Variants in AP2B1 observed in about 807,000 individuals in gnomAD.
AP2B1 encodes the protein adaptor related protein complex 2 subunit beta 1.
Under a neutral mutation model 102.0 loss-of-function variants are expected in AP2B1, and 23 were observed. The ratio of observed to expected loss-of-function variants is 0.23; its 90% CI spans 0.16 to 0.32. The LOEUF (loss-of-function observed/expected upper bound fraction) is 0.32, where lower values mean the gene tolerates loss of function less well. Ranked by LOEUF, AP2B1 falls within the 10% of genes least tolerant of loss-of-function variation. The pLI, the probability that AP2B1 is intolerant of heterozygous loss-of-function variation, is 1.00. For missense variants in AP2B1, 541 were observed against 1,157.4 expected, an observed-to-expected ratio of 0.47 and a Z score of 7.73; for synonymous variants, 381 against 421.2, an observed-to-expected ratio of 0.90 and a Z score of 1.17.
At position 35,610,625 on chromosome 17, in the gene AP2B1, G is replaced by T. The variant is rs2073829818; in HGVS notation, c.525+2238G>T. ...AAAAATTTTTTTAAAAAATTCGGTG[G>T]GGCCGGGTGCAGTGGCTCATGCCTG... On this transcript the variant is annotated intron_variant, in intron 5 of 21. Coordinates refer to ENST00000610402, the MANE Select transcript of AP2B1 (RefSeq NM_001030006.2). 2.0e-5 allele frequency among the ~76,000 whole-genome samples: 3 copies of T among 151,572 alleles called. No individual in the cohort carries two copies. In the South Asian group the frequency reaches 6.2e-4, roughly 32 times the overall value.
chr17:35,663,226 A>G (rs989191718), intron 14 of AP2B1, among the ~76,000 whole-genome samples: 1 of 152,200 alleles, frequency 6.6e-6, no homozygotes. Context: ...TAAATTTCTC[A>G]GTGAGGCTTC....
At chr17:35,642,821 A>G (rs1369464827) in intron 12 of AP2B1, among the ~76,000 whole-genome samples, 1 of 142,056 alleles carries the variant, frequency 7.0e-6, no homozygotes, top group African/African-American at 2.7e-5. Flanking sequence ...CTGTTACTAC[A>G]ACTTAAAAAA....
chr17:35,594,567 T>A (rs2073201548), intron 2 of AP2B1, among the ~76,000 whole-genome samples: 1 of 152,232 alleles, frequency 6.6e-6, no homozygotes, highest in Non-Finnish European at 1.5e-5. Flanking sequence ...TTAATACATA[T>A]GATTTAAAAT....
intron 5 of AP2B1, chr17:35,621,416 T>C (rs766028080): frequency 1.0e-4 from 88 of 865,832 alleles, no homozygotes; most frequent in Non-Finnish European, 1.2e-4. Flanking sequence ...CTGTGGAGAT[T>C]AGGAGATGAA....
intron 21 of AP2B1, among the ~76,000 whole-genome samples, chr17:35,718,768 T>G (rs960797231): frequency 8.6e-5 from 12 of 140,128 alleles, no homozygotes; most frequent in Admixed American, 1.4e-4. Flanking sequence ...GTGTGTGTGG[T>G]TTTTTTTTTT....
At chr17:35,590,576 A>G (rs2073061580) in intron 1 of AP2B1, among the ~76,000 whole-genome samples, 1 of 152,136 alleles carries the variant, frequency 6.6e-6, no homozygotes, top group South Asian at 2.1e-4. Flanking sequence ...TGGTTAGGGA[A>G]TATTTTGTTA....
At chr17:35,633,090 C>T (rs537160556) in intron 9 of AP2B1, among the ~76,000 whole-genome samples, 3 of 151,998 alleles carry the variant, frequency 2.0e-5, no homozygotes, top group Non-Finnish European at 2.9e-5. Flanking sequence ...CGGCCGGGCG[C>T]GGTGGCTCAT....
At chr17:35,699,573 A>G (rs2076203162) in intron 18 of AP2B1, among the ~76,000 whole-genome samples, 1 of 152,206 alleles carries the variant, frequency 6.6e-6, no homozygotes, top group Non-Finnish European at 1.5e-5. Flanking sequence ...GAAGTGAACT[A>G]AAGACGCTGT....
chr17:35,652,047 A>G (rs1170998566), intron 13 of AP2B1, among the ~76,000 whole-genome samples: 2 of 152,208 alleles, frequency 1.3e-5, no homozygotes, highest in Admixed American at 6.5e-5. Context: ...AAATGAATCA[A>G]CAAACAAAAA....
At position 35,608,366 on chromosome 17, in the gene AP2B1, C is replaced by T; in HGVS notation, c.504C>T (p.Leu168=). Reference sequence around the variant, plus strand: ...GATTTCTGGATTCTCTACGGGATCTCATAGCAGATTCAAATCCAATGGTAA... The same window carrying T: ...GATTTCTGGATTCTCTACGGGATCTTATAGCAGATTCAAATCCAATGGTAA... ...DQGFLDSLRD[L]IADSNPMVVA... Residue 168 remains leucine, a synonymous_variant, in exon 5 of 22, where the codon CTC becomes CTT. Transcript: ENST00000610402. 6.2e-7 allele frequency: 1 copy of T among 1,614,142 alleles called. No individual in the cohort carries two copies. Among genetic ancestry groups the T allele is most frequent in the South Asian group, 1.1e-5 (1 of 91,076 alleles).
intron 17 of AP2B1, among the ~76,000 whole-genome samples, chr17:35,681,964 T>C (rs1350350373): frequency 6.6e-6 from 1 of 152,198 alleles, no homozygotes; most frequent in Non-Finnish European, 1.5e-5. Context: ...ATCCCTTTTA[T>C]TTAATTGTAT....
intron 17 of AP2B1, 125 bp downstream of exon 17, chr17:35,674,446 A>G (rs779705200): frequency 2.8e-4 from 330 of 1,176,006 alleles, no homozygotes; most frequent in Non-Finnish European, 3.8e-4. Context: ...GCTCATGCCT[A>G]TAATCCCAGC....
At chr17:35,642,075 TGAAG>T in intron 12 of AP2B1, 100 bp downstream of exon 12, 1 of 834,524 alleles carries the variant, frequency 1.2e-6, no homozygotes, top group South Asian at 1.7e-5. Flanking sequence ...AAGCTTTATT[TGAAG>T]GAAGTATGGC....
chr17:35,688,380 CTCAGT>C, intron 18 of AP2B1, among the ~76,000 whole-genome samples: 1 of 152,050 alleles, frequency 6.6e-6, no homozygotes, highest in Non-Finnish European at 1.5e-5. Flanking sequence ...CTGTTTTTTT[CTCAGT>C]GAAAGCTTGT....
At chr17:35,709,333 C>T (rs781868917) in intron 19 of AP2B1, 25 bp downstream of exon 19, 5 of 1,583,674 alleles carry the variant, frequency 3.2e-6, no homozygotes, top group Non-Finnish European at 4.3e-6. Context: ...GCCTGTCCTG[C>T]TGAATATACC....
intron 9 of AP2B1, among the ~76,000 whole-genome samples, chr17:35,633,040 A>C (rs2074506129): frequency 6.6e-6 from 1 of 152,098 alleles, no homozygotes; most frequent in African/African-American, 2.4e-5. Flanking sequence ...ACATAAATAG[A>C]ATCAGAAGAA....
intron 9 of AP2B1, among the ~76,000 whole-genome samples, chr17:35,635,673 C>T (rs774123500): frequency 2.9e-4 from 44 of 152,154 alleles, no homozygotes; most frequent in Non-Finnish European, 5.3e-4. Context: ...CAGTCATGAG[C>T]CACAGTGCCT....
At chr17:35,707,507 C>T (rs1438915027) in intron 18 of AP2B1, among the ~76,000 whole-genome samples, 1 of 143,266 alleles carries the variant, frequency 7.0e-6, no homozygotes, top group Non-Finnish European at 1.5e-5. Flanking sequence ...GGCTGGAGTG[C>T]GGTGGCGCTA....
intron 1 of AP2B1, among the ~76,000 whole-genome samples, chr17:35,590,686 G>C (rs1334930089): frequency 2.6e-5 from 4 of 152,054 alleles, no homozygotes; most frequent in Admixed American, 2.6e-4. Context: ...AAAGATACTT[G>C]ACCCTCCTCT....
Sources: allele counts gnomAD v4.1 joint callset (sites outside exome capture counted in the v4.1 genomes callset), GRCh38; gene constraint gnomAD v4.1.1; transcripts MANE v1.5; gene names NCBI Gene and HGNC (gene_info 2026-07-23, HGNC 2026-07-21).